SORCS3: variants seen among roughly 807,000 people sequenced by gnomAD.
SORCS3 encodes the protein VPS10 domain-containing receptor SorCS3.
In SORCS3, 57 loss-of-function variants were observed where a neutral mutation model predicts 146.3. The ratio of observed to expected loss-of-function variants is 0.39; its 90% CI spans 0.31 to 0.49. The LOEUF (loss-of-function observed/expected upper bound fraction) is 0.49. SORCS3 is among the 20% of genes least tolerant of loss of function. The pLI is 0.92. For missense variants in SORCS3, 1,341 were observed against 1,575.5 expected, an observed-to-expected ratio of 0.85 and a Z score of 2.52; for synonymous variants, 653 against 618.5, an observed-to-expected ratio of 1.06 and a Z score of -0.83.
At chr10:104,731,079 C>T (rs1294740129) in intron 1 of SORCS3, among the ~76,000 whole-genome samples, 2 of 152,224 alleles carry the variant, frequency 1.3e-5, no homozygotes, top group Non-Finnish European at 2.9e-5. Context: ...TAGGGTTTAA[C>T]TGCATGAGTG....
intron 1 of SORCS3, among the ~76,000 whole-genome samples, chr10:104,704,819 C>T (rs919682493): frequency 3.3e-5 from 5 of 152,078 alleles, no homozygotes; most frequent in Non-Finnish European, 5.9e-5. Context: ...TTTGCAGATC[C>T]CCAAATGCAC....
intron 4 of SORCS3, among the ~76,000 whole-genome samples, chr10:105,018,190 T>C (rs1052875015): frequency 6.6e-6 from 1 of 152,182 alleles, no homozygotes; most frequent in Admixed American, 6.5e-5. Flanking sequence ...TCTTTTCTGG[T>C]GGTGTTTTTG....
In SORCS3 at chr10:105,058,630, T is replaced by C. The variant is rs571026314; in HGVS notation, c.1028+15502T>C. On this transcript the variant is annotated intron_variant, in intron 5 of 26. Transcript: ENST00000369701. ...ACTCTGCAGTGTAATGGAAAGAGCA[T>C]TGGAGTAGGAGACAGGACTTCTGGT... is the stretch of plus-strand genomic sequence containing the variant. Among the ~76,000 whole-genome samples the C allele has an allele frequency of 6.6e-5, 10 of 152,202 alleles. No individual in the cohort carries two copies. In the East Asian group the frequency reaches 1.4e-3, roughly 21 times the overall value.
At chr10:104,992,548 C>T (rs1043189216) in intron 4 of SORCS3, among the ~76,000 whole-genome samples, 5 of 152,174 alleles carry the variant, frequency 3.3e-5, no homozygotes, top group African/African-American at 4.8e-5. Flanking sequence ...CATTGGCTTC[C>T]CCTTAGCTTG....
Position 104,662,196 on chromosome 10 carries a change from T to G in SORCS3, c.627+20242T>G, listed in dbSNP as rs75259995. The stretch of plus-strand genomic sequence containing the variant: ...ATCAGGATATTACAGAGTTTGTGAG[T>G]GCGGATAGGCTGAGAGTATCAGAGC... On this transcript the variant is annotated intron_variant, in intron 1 of 26. Transcript: ENST00000369701. 5.7e-3 allele frequency among the ~76,000 whole-genome samples: 871 copies of G among 152,208 alleles called. 6 individuals carry two copies. The highest frequency in any genetic ancestry group is 0.019 in the African/African-American group (798 of 41,526).
intron 1 of SORCS3, among the ~76,000 whole-genome samples, chr10:104,701,270 A>G (rs990802895): frequency 6.6e-6 from 1 of 152,226 alleles, no homozygotes. Context: ...AAAGAGGACA[A>G]GGGGTAGGAG....
intron 4 of SORCS3, among the ~76,000 whole-genome samples, chr10:105,020,019 T>C (rs1433731752): frequency 2.0e-5 from 3 of 152,214 alleles, no homozygotes; most frequent in Non-Finnish European, 4.4e-5. Context: ...CAGTAGCAGC[T>C]ACTTACAATT....
chr10:105,101,091 C>T (rs1002417806), intron 6 of SORCS3, among the ~76,000 whole-genome samples: 8 of 152,058 alleles, frequency 5.3e-5, no homozygotes, highest in African/African-American at 1.7e-4. Flanking sequence ...TGGTATCTGG[C>T]GTTATTAAAA....
At chr10:105,112,073 G>C (rs941481322) in intron 7 of SORCS3, among the ~76,000 whole-genome samples, 38 of 152,164 alleles carry the variant, frequency 2.5e-4, no homozygotes, top group African/African-American at 8.9e-4. Flanking sequence ...ATAGTTGCTA[G>C]AAAGCACAGA....
intron 4 of SORCS3, among the ~76,000 whole-genome samples, chr10:105,041,058 T>C (rs1182927091): frequency 1.5e-5 from 2 of 132,418 alleles, no homozygotes; most frequent in Middle Eastern, 3.9e-3. Flanking sequence ...ATAAGAAATA[T>C]ATAAATATAT....
In SORCS3 at chr10:105,030,521, C is replaced by T. The variant is rs367590328; in HGVS notation, c.955-12534C>T. On this transcript the variant is annotated intron_variant, in intron 4 of 26. Transcript: ENST00000369701. ...TTTACATTGAATTCTGATACCAAAA[C>T]AAGGAACAAGGACAATCTAGACTTA... Among the ~76,000 whole-genome samples, 9 of 151,978 alleles carry T rather than the reference C, an allele frequency of 5.9e-5. No individual in the cohort carries two copies. In the East Asian group the frequency reaches 1.2e-3, roughly 20 times the overall value.
At chr10:104,671,925 ATACTT>A (rs1319925773) in intron 1 of SORCS3, among the ~76,000 whole-genome samples, 5 of 152,138 alleles carry the variant, frequency 3.3e-5, no homozygotes, top group Non-Finnish European at 7.4e-5. Context: ...ATACTGGTCT[ATACTT>A]TTCTTTTCTT....
At chr10:105,094,319 A>T (rs2055730947) in intron 6 of SORCS3, among the ~76,000 whole-genome samples, 1 of 152,188 alleles carries the variant, frequency 6.6e-6, no homozygotes, top group Admixed American at 6.5e-5. Context: ...AACTTACAGA[A>T]CTCTATGCCA....
chr10:104,792,165 G>T (rs1044870616), intron 1 of SORCS3, among the ~76,000 whole-genome samples: 11 of 152,168 alleles, frequency 7.2e-5, no homozygotes, highest in African/African-American at 2.4e-4. Context: ...CTTTGCAAGA[G>T]AAACTCATGT....
At chr10:104,926,215 T>G (rs935433812) in intron 3 of SORCS3, among the ~76,000 whole-genome samples, 2 of 152,236 alleles carry the variant, frequency 1.3e-5, no homozygotes, top group African/African-American at 4.8e-5. Flanking sequence ...TGCCACTTTC[T>G]CTTTCCCCAT....
intron 3 of SORCS3, among the ~76,000 whole-genome samples, chr10:104,936,558 T>C (rs767323930): frequency 1.3e-5 from 2 of 152,140 alleles, no homozygotes; most frequent in African/African-American, 4.8e-5. Flanking sequence ...TCAGTTCGAT[T>C]TGGGCATGCT....
chr10:104,819,583 T>C (rs1343076555), intron 1 of SORCS3, among the ~76,000 whole-genome samples: 1 of 152,200 alleles, frequency 6.6e-6, no homozygotes, highest in South Asian at 2.1e-4. Context: ...GAACTTTTCC[T>C]TGGAGCGGGG....
chr10:104,927,383 C>T (rs1292828323), intron 3 of SORCS3, among the ~76,000 whole-genome samples: 1 of 152,158 alleles, frequency 6.6e-6, no homozygotes, highest in African/African-American at 2.4e-5. Context: ...CAAGGACACA[C>T]AGTAATTGTT....
chr10:105,089,772 C>A lies in SORCS3; in HGVS notation c.1029-3C>A. On this transcript the variant is annotated splice_region_variant and splice_polypyrimidine_tract_variant and intron_variant, in intron 5 of 26. Coordinates refer to ENST00000369701, the MANE Select transcript of SORCS3 (RefSeq NM_014978.3). The stretch of plus-strand genomic sequence containing the variant: ...AGCTTCTGTCTCTCCCTTCCTTTCC[C>A]AGGTCGGTGGCCGGATTGGATAAGG... The A allele has an allele frequency of 6.2e-7, 1 of 1,613,850 alleles. No individual in the cohort carries two copies. Among genetic ancestry groups the A allele is most frequent in the Admixed American group, 1.7e-5 (1 of 60,016 alleles).
Sources: allele counts gnomAD v4.1 joint callset (sites outside exome capture counted in the v4.1 genomes callset), GRCh38; gene constraint gnomAD v4.1.1; transcripts MANE v1.5; gene names NCBI Gene and HGNC (gene_info 2026-07-23, HGNC 2026-07-21).